CDK5R2: variants seen among roughly 807,000 people sequenced by gnomAD.
The protein encoded by CDK5R2 is cyclin-dependent kinase 5 activator 2.
Under a neutral mutation model 23.1 loss-of-function variants are expected in CDK5R2, and 7 were observed. The observed-to-expected ratio is 0.30, with a 90% CI of 0.17 to 0.57. CDK5R2 has a LOEUF of 0.57. Among genes scored for constraint, CDK5R2 ranks in the 20% least tolerant of loss-of-function variants. CDK5R2 has a pLI of 0.91. For synonymous variants in CDK5R2, 242 were observed against 264.9 expected, an observed-to-expected ratio of 0.91 and a Z score of 0.84; for missense variants, 380 against 537.6, an observed-to-expected ratio of 0.71 and a Z score of 2.90.
rs1945186458 is a variant in CDK5R2, at chr2:218,959,717, G to C, written c.-104G>C. On this transcript the variant is annotated 5_prime_UTR_variant, in exon 1 of 1. Transcript: ENST00000302625. This position sits in a 1 kb window ranked among gnomAD's most constrained non-coding sequence, Gnocchi z 4.0. ...CCTTCCCCCGCCAGTCCGCGCGCCC[G>C]GGCCGGGGCTAGGCCCCCCACCGCC... is the stretch of plus-strand genomic sequence containing the variant. 5.8e-6 allele frequency: 7 copies of C among 1,199,676 alleles called. No homozygotes were observed. The highest frequency in any genetic ancestry group is 7.2e-6 in the Non-Finnish European group (7 of 966,656). The allele number at this position is 1,199,676 out of a possible 1,614,324, so 74.3% of individuals were successfully genotyped here. A position where few individuals can be genotyped will look rare whatever the true frequency, so the allele number is the denominator to read the frequency against.
Position 218,960,199 on chromosome 2 carries a change from A to T in CDK5R2, c.379A>T (p.Thr127Ser). 2 of 1,443,822 alleles carry T rather than the reference A, an allele frequency of 1.4e-6. No individual in the cohort carries two copies. The highest frequency in any genetic ancestry group is 1.8e-6 in the Non-Finnish European group (2 of 1,103,122). 89.4% of individuals were successfully genotyped at this position (1,443,822 alleles called of 1,614,324 possible). A position where few individuals can be genotyped will look rare whatever the true frequency, so the allele number is the denominator to read the frequency against. The change falls in exon 1 of 1, where the codon ACC becomes TCC. Residue 127 changes from threonine (T) to serine (S), a missense_variant. Thr to Ser is a moderately conservative substitution (Grantham distance 58). Transcript: ENST00000302625. ...TAKPLAVPVPTVPAAAATCEP... is the reference protein window; with the variant it reads ...TAKPLAVPVPSVPAAAATCEP... ...CAAGCCCCTGGCGGTGCCAGTGCCC[A>T]CCGTGCCCGCGGCTGCCGCCACCTG...
In CDK5R2 at chr2:218,960,678, G is replaced by A; in HGVS notation, c.858G>A (p.Val286=). ...CCTACCCACTCAAGCCCTTCCTCGT[G>A]GAGCCCGACAAGGAGCGCTTCTGGC... The part of the protein sequence containing the change: ...EISYPLKPFL[V]EPDKERFWQR... The change falls in exon 1 of 1, where the codon GTG becomes GTA. Residue 286 remains valine, a synonymous_variant. Coordinates refer to ENST00000302625, the MANE Select transcript of CDK5R2 (RefSeq NM_003936.5). 1 of 1,613,960 alleles carries A rather than the reference G, an allele frequency of 6.2e-7. No individual in the cohort carries two copies. The highest frequency in any genetic ancestry group is 8.5e-7 in the Non-Finnish European group (1 of 1,179,926).
rs1330937355 is a variant in CDK5R2, at chr2:218,959,855, C to T, written c.35C>T (p.Ser12Leu). The T allele has an allele frequency of 3.5e-6, 5 of 1,419,036 alleles. No individual in the cohort carries two copies. The highest frequency in any genetic ancestry group is 3.0e-5 in the African/African-American group (2 of 66,400). 87.9% of individuals were successfully genotyped at this position (1,419,036 alleles called of 1,614,324 possible). A position where few individuals can be genotyped will look rare whatever the true frequency, so the allele number is the denominator to read the frequency against. ...GTGCTGTCTCTTTCGCCTGCCTCCTCGGCCAAGGGCCGGAGGCCCGGCGGG... is the reference window on the plus strand; with the variant it reads ...GTGCTGTCTCTTTCGCCTGCCTCCTTGGCCAAGGGCCGGAGGCCCGGCGGG... ...GTVLSLSPAS[S>L]AKGRRPGGLP... is the part of the protein sequence containing the mutation. Residue 12 changes from serine (S) to leucine (L), a missense_variant, in exon 1 of 1, where the codon TCG (serine) becomes TTG (leucine). This residue lies in a region of CDK5R2 where 197 missense variants were observed against 246.4 expected (regional missense o/e 0.80). Transcript: ENST00000302625. The surrounding 1 kb of genome is among the most constrained non-coding windows in gnomAD (Gnocchi z 4.0).
In CDK5R2 at chr2:218,960,081, G is replaced by A. The variant is rs1420042726; in HGVS notation, c.261G>A (p.Pro87=). 2 of 1,602,500 alleles carry A rather than the reference G, an allele frequency of 1.2e-6. No individual in the cohort carries two copies. The highest frequency in any genetic ancestry group is 1.7e-6 in the Non-Finnish European group (2 of 1,175,590). The part of the protein sequence containing the change: ...KKGSKKVTPK[P]ASTGPDPLVQ... Reference sequence around the variant, plus strand: ...GCAGCAAGAAGGTGACACCCAAGCCGGCATCCACGGGCCCCGACCCCCTGG... The same window carrying A: ...GCAGCAAGAAGGTGACACCCAAGCCAGCATCCACGGGCCCCGACCCCCTGG... The change falls in exon 1 of 1, where the codon CCG becomes CCA. Residue 87 remains proline (P), a synonymous_variant. Transcript: ENST00000302625.
At position 218,960,994 on chromosome 2, in the gene CDK5R2, A is replaced by C; in HGVS notation, c.*70A>C. The stretch of plus-strand genomic sequence containing the variant: ...CACACTCGGACCCCCCGGGACCACA[A>C]AGCCACCGCCGCTGTTACCGCCGCT... On this transcript the variant is annotated 3_prime_UTR_variant, in exon 1 of 1. Coordinates refer to ENST00000302625, the MANE Select transcript of CDK5R2 (RefSeq NM_003936.5). 7 of 767,918 alleles carry C rather than the reference A, an allele frequency of 9.1e-6. No homozygotes were observed. The highest frequency in any genetic ancestry group is 1.1e-5 in the Non-Finnish European group (6 of 523,256). 47.6% of individuals were successfully genotyped at this position (767,918 alleles called of 1,614,324 possible). A position where few individuals can be genotyped will look rare whatever the true frequency, so the allele number is the denominator to read the frequency against.
In CDK5R2 at chr2:218,959,940, G is replaced by A. The variant is rs1373495086; in HGVS notation, c.120G>A (p.Gly40=). 2.0e-6 allele frequency: 3 copies of A among 1,518,438 alleles called. No homozygotes were observed. Among genetic ancestry groups the A allele is most frequent in the Admixed American group, 2.1e-5 (1 of 46,714 alleles). 94.1% of individuals were successfully genotyped at this position (1,518,438 alleles called of 1,614,324 possible). Residue 40 remains glycine (G), a synonymous_variant, in exon 1 of 1, where the codon GGG becomes GGA. Transcript: ENST00000302625. This position sits in a 1 kb window ranked among gnomAD's most constrained non-coding sequence, Gnocchi z 4.0. The part of the protein sequence containing the change: ...PAGDEALGGY[G]APPVGKGGKG... ...GGGACGAGGCGCTGGGGGGCTACGG[G>A]GCGCCGCCAGTGGGCAAGGGCGGCA...
Position 218,960,923 on chromosome 2 carries a change from AG to A in CDK5R2, c.*2del. The A allele has an allele frequency of 7.2e-7, 1 of 1,383,836 alleles. No individual in the cohort carries two copies. The allele number at this position is 1,383,836 out of a possible 1,614,324, so 85.7% of individuals were successfully genotyped here. A position where few individuals can be genotyped will look rare whatever the true frequency, so the allele number is the denominator to read the frequency against. On this transcript the variant is annotated frameshift_variant and stop_lost, in exon 1 of 1. Transcript: ENST00000302625. LOFTEE classifies it high-confidence loss of function. ...TKHWTMNLDR* is the reference protein window; with the variant it reads ...TKHWTMNLDRX ...CACTGGACTATGAACCTGGACCGCT[AG>A]GGATACCCAGGGGCCGCGCCCATCC...
Position 218,961,171 on chromosome 2 carries a change from G to A in CDK5R2, c.*247G>A, listed in dbSNP as rs1410906436. 7.3e-6 allele frequency: 3 copies of A among 409,850 alleles called. No homozygotes were observed. The highest frequency in any genetic ancestry group is 1.3e-5 in the Non-Finnish European group (3 of 226,930). The allele number at this position is 409,850 out of a possible 1,614,324, so 25.4% of individuals were successfully genotyped here. A position where few individuals can be genotyped will look rare whatever the true frequency, so the allele number is the denominator to read the frequency against. ...AAGGCACTCCAACCTCACTCTTCCCGTCTGTCTGCGCCCCCATTTCTCCAT... is the reference window on the plus strand; with the variant it reads ...AAGGCACTCCAACCTCACTCTTCCCATCTGTCTGCGCCCCCATTTCTCCAT... On this transcript the variant is annotated 3_prime_UTR_variant, in exon 1 of 1. Coordinates refer to ENST00000302625, the MANE Select transcript of CDK5R2 (RefSeq NM_003936.5). This position sits in a 1 kb window ranked among gnomAD's most constrained non-coding sequence, Gnocchi z 4.4.
chr2:218,961,556 C>T lies in CDK5R2; in HGVS notation c.*632C>T, dbSNP rs1458374478. 2 of 167,562 alleles carry T rather than the reference C, an allele frequency of 1.2e-5. No homozygotes were observed. Among genetic ancestry groups the T allele is most frequent in the East Asian group, 3.8e-4 (2 of 5,200 alleles). The allele number at this position is 167,562 out of a possible 1,614,324, so 10.4% of individuals were successfully genotyped here. ...TCAGCTTGCATTTTTTTATTCCTGA[C>T]TGAGTCACCACACCCCTCTCCCCTG... is the stretch of plus-strand genomic sequence containing the variant. On this transcript the variant is annotated 3_prime_UTR_variant, in exon 1 of 1. Coordinates refer to ENST00000302625, the MANE Select transcript of CDK5R2 (RefSeq NM_003936.5). This position sits in a 1 kb window ranked among gnomAD's most constrained non-coding sequence, Gnocchi z 4.4.
chr2:218,959,872 C>T lies in CDK5R2; in HGVS notation c.52C>T (p.Pro18Ser), dbSNP rs1945188408. Residue 18 changes from proline (P) to serine (S), a missense_variant, in exon 1 of 1, where the codon CCC becomes TCC. Pro to Ser is a moderately conservative substitution (Grantham distance 74, BLOSUM62 -1). Transcript: ENST00000302625. This position sits in a 1 kb window ranked among gnomAD's most constrained non-coding sequence, Gnocchi z 4.0. ...TGCCTCCTCGGCCAAGGGCCGGAGG[C>T]CCGGCGGGCTGCCCGAGGAGAAGAA... ...SPASSAKGRR[P>S]GGLPEEKKKA... The T allele has an allele frequency of 1.4e-6, 2 of 1,436,850 alleles. No individual in the cohort carries two copies. The highest frequency in any genetic ancestry group is 1.5e-5 in the South Asian group (1 of 65,732). The allele number at this position is 1,436,850 out of a possible 1,614,324, so 89.0% of individuals were successfully genotyped here.
In CDK5R2 at chr2:218,960,877, A is replaced by G; in HGVS notation, c.1057A>G (p.Ser353Gly). Residue 353 changes from serine (S) to glycine (G), a missense_variant, in exon 1 of 1, where the codon AGC becomes GGC. Coordinates refer to ENST00000302625, the MANE Select transcript of CDK5R2 (RefSeq NM_003936.5). ...CGCCGCCTCCTCGGCCGCCAGGGAC[A>G]GCTGCGCGGCCGGAACCAAGCACTG... ...APAASSAARD[S>G]CAAGTKHWTM... 1 of 1,472,854 alleles carries G rather than the reference A, an allele frequency of 6.8e-7. No homozygotes were observed. Among genetic ancestry groups the G allele is most frequent in the Non-Finnish European group, 8.9e-7 (1 of 1,124,388 alleles). The allele number at this position is 1,472,854 out of a possible 1,614,324, so 91.2% of individuals were successfully genotyped here. A position where few individuals can be genotyped will look rare whatever the true frequency, so the allele number is the denominator to read the frequency against.
At position 218,960,284 on chromosome 2, in the gene CDK5R2, C is replaced by T; in HGVS notation, c.464C>T (p.Pro155Leu). 1 of 1,344,180 alleles carries T rather than the reference C, an allele frequency of 7.4e-7. No homozygotes were observed. Among genetic ancestry groups the T allele is most frequent in the Non-Finnish European group, 9.5e-7 (1 of 1,057,072 alleles). 83.3% of individuals were successfully genotyped at this position (1,344,180 alleles called of 1,614,324 possible). A position where few individuals can be genotyped will look rare whatever the true frequency, so the allele number is the denominator to read the frequency against. The change falls in exon 1 of 1, where the codon CCT (proline) becomes CTT (leucine). Residue 155 changes from proline to leucine, a missense_variant. Pro to Leu is a moderately conservative substitution (Grantham distance 98). Transcript: ENST00000302625. ...CCGCCGGGCTCGGGCGGGGGAAAGC[C>T]TCCGCCGCCGCCTCCCCCAGCCCCG... is the stretch of plus-strand genomic sequence containing the variant. ...AQPPGSGGGKPPPPPPPAPQV... is the reference protein window; with the variant it reads ...AQPPGSGGGKLPPPPPPAPQV...
rs758622919 is a variant in CDK5R2, at chr2:218,960,555, G to A, written c.735G>A (p.Glu245=). The change falls in exon 1 of 1, where the codon GAG becomes GAA. Residue 245 remains glutamate (E), a synonymous_variant. Transcript: ENST00000302625. ...TGTTCGTGTACCTGCTGTGCCGCGA[G>A]TCGCTGCGTGGGGACGAGCTGGCGT... ...NLVFVYLLCR[E]SLRGDELASA... 1.2e-6 allele frequency: 2 copies of A among 1,613,972 alleles called. No homozygotes were observed. The highest frequency in any genetic ancestry group is 1.7e-6 in the Non-Finnish European group (2 of 1,179,916).
In CDK5R2 at chr2:218,960,882, C is replaced by T. The variant is rs1185869802; in HGVS notation, c.1062C>T (p.Cys354=). The T allele has an allele frequency of 1.4e-6, 2 of 1,471,368 alleles. No homozygotes were observed. Among genetic ancestry groups the T allele is most frequent in the Non-Finnish European group, 1.8e-6 (2 of 1,123,212 alleles). 91.1% of individuals were successfully genotyped at this position (1,471,368 alleles called of 1,614,324 possible). The change falls in exon 1 of 1, where the codon TGC becomes TGT. Residue 354 remains cysteine, a synonymous_variant. Coordinates refer to ENST00000302625, the MANE Select transcript of CDK5R2 (RefSeq NM_003936.5). ...CCTCCTCGGCCGCCAGGGACAGCTG[C>T]GCGGCCGGAACCAAGCACTGGACTA... ...PAASSAARDS[C]AAGTKHWTMN...
Position 218,960,117 on chromosome 2 carries a change from C to T in CDK5R2, c.297C>T (p.Arg99=). ...STGPDPLVQQ[R]NRENLLRKGR... ...GCCCCGACCCCCTGGTCCAGCAACG[C>T]AACCGCGAGAACCTTCTCCGCAAGG... Residue 99 remains arginine, a synonymous_variant, in exon 1 of 1, where the codon CGC becomes CGT. Transcript: ENST00000302625. 1 of 1,596,582 alleles carries T rather than the reference C, an allele frequency of 6.3e-7. No homozygotes were observed. The highest frequency in any genetic ancestry group is 8.5e-7 in the Non-Finnish European group (1 of 1,173,256).
At position 218,959,747 on chromosome 2, in the gene CDK5R2, C is replaced by G. The variant is rs1244880262; in HGVS notation, c.-74C>G. ...GGGGCTAGGCCCCCCACCGCCGGGT[C>G]CCCCGGGGCTGCAGTAGCAGCGGCG... On this transcript the variant is annotated 5_prime_UTR_variant, in exon 1 of 1. Coordinates refer to ENST00000302625, the MANE Select transcript of CDK5R2 (RefSeq NM_003936.5). The surrounding 1 kb of genome is among the most constrained non-coding windows in gnomAD (Gnocchi z 4.0). 2.4e-6 allele frequency: 3 copies of G among 1,224,874 alleles called. No individual in the cohort carries two copies. The highest frequency in any genetic ancestry group is 3.0e-6 in the Non-Finnish European group (3 of 984,216). The allele number at this position is 1,224,874 out of a possible 1,614,324, so 75.9% of individuals were successfully genotyped here.
rs1945199824 is a variant in CDK5R2 at position 218,960,892 on chromosome 2, A to G, written c.1072A>G (p.Thr358Ala). The change falls in exon 1 of 1, where the codon ACC becomes GCC. Residue 358 changes from threonine to alanine, a missense_variant. Thr to Ala is a moderately conservative substitution (Grantham distance 58). This residue lies in a region of CDK5R2 where 59 missense variants were observed against 55.7 expected (regional missense o/e 1.06). Coordinates refer to ENST00000302625, the MANE Select transcript of CDK5R2 (RefSeq NM_003936.5). ...SAARDSCAAG[T>A]KHWTMNLDR ...CGCCAGGGACAGCTGCGCGGCCGGA[A>G]CCAAGCACTGGACTATGAACCTGGA... The G allele has an allele frequency of 4.1e-6, 6 of 1,471,368 alleles. No individual in the cohort carries two copies. The highest frequency in any genetic ancestry group is 4.5e-6 in the Non-Finnish European group (5 of 1,122,634). The allele number at this position is 1,471,368 out of a possible 1,614,324, so 91.1% of individuals were successfully genotyped here.
At position 218,960,841 on chromosome 2, in the gene CDK5R2, G is replaced by T. The variant is rs1015166449; in HGVS notation, c.1021G>T (p.Gly341Trp). 6.6e-7 allele frequency: 1 copy of T among 1,518,250 alleles called. No individual in the cohort carries two copies. Among genetic ancestry groups the T allele is most frequent in the East Asian group, 2.5e-5 (1 of 39,524 alleles). The allele number at this position is 1,518,250 out of a possible 1,614,324, so 94.0% of individuals were successfully genotyped here. The change falls in exon 1 of 1, where the codon GGG (glycine) becomes TGG (tryptophan). Residue 341 changes from glycine (G) to tryptophan (W), a missense_variant. Gly to Trp is a radical substitution (Grantham distance 184). Around this residue, in one of 3 missense-constraint regions of CDK5R2, gnomAD observed 59 missense variants for 55.7 expected, o/e 1.06. Coordinates refer to ENST00000302625, the MANE Select transcript of CDK5R2 (RefSeq NM_003936.5). ...AAASGGGPPS[G>W]GAPAASSAAR... ...CGCCAGCGGCGGGGGCCCACCGAGC[G>T]GGGGCGCGCCCGCCGCCTCCTCGGC...
rs1430093411 is a variant in CDK5R2, at chr2:218,959,970, C to G, written c.150C>G (p.Gly50=). The stretch of plus-strand genomic sequence containing the variant: ...CGCCAGTGGGCAAGGGCGGCAAAGG[C>G]GAGAGCCGACTCAAGCGGCCGTCCG... The part of the protein sequence containing the change: ...GAPPVGKGGK[G]ESRLKRPSVL... The change falls in exon 1 of 1, where the codon GGC becomes GGG. Residue 50 remains glycine (G), a synonymous_variant. Transcript: ENST00000302625. This position sits in a 1 kb window ranked among gnomAD's most constrained non-coding sequence, Gnocchi z 4.0. The G allele has an allele frequency of 6.5e-7, 1 of 1,547,046 alleles. No homozygotes were observed. The highest frequency in any genetic ancestry group is 2.0e-5 in the Admixed American group (1 of 50,774).
Sources: gnomAD v4.1 joint callset for allele counts on GRCh38, gnomAD v4.1.1 for gene constraint, gnomAD v4.1.1 regional missense constraint, Gnocchi (gnomAD v3.1) non-coding constraint, MANE v1.5 for transcripts, NCBI Gene and HGNC (gene_info 2026-07-23, HGNC 2026-07-21) for gene names.